The following FAM151B variants were observed in gnomAD, a reference collection of about 807,000 sequenced individuals.
FAM151B encodes family with sequence similarity 151 member B.
In FAM151B, 24 loss-of-function variants were observed where a neutral mutation model predicts 31.2. The observed-to-expected ratio is 0.77, with a 90% CI of 0.56 to 1.08. FAM151B has a LOEUF of 1.08. FAM151B is among the 50% of genes least tolerant of loss of function. The probability of loss-of-function intolerance (pLI) is 0.00; values close to 1 mark genes in which losing one functional copy is unlikely to be tolerated. For missense variants in FAM151B, 293 were observed against 328.6 expected, an observed-to-expected ratio of 0.89 and a Z score of 0.84; for synonymous variants, 105 against 111.4, an observed-to-expected ratio of 0.94 and a Z score of 0.36.
intron 5 of FAM151B, among the ~76,000 whole-genome samples, chr5:80,538,438 T>TTCTCTCTCTC (rs1267501086): frequency 1.8e-4 from 10 of 55,750 alleles, no homozygotes; most frequent in African/African-American, 9.9e-4. Flanking sequence ...CTTTCTTTCT[T>TTCTCTCTCTC]TCTTTCTTTC....
chr5:80,541,569 G>A, intron 5 of FAM151B, 104 bp from the exon 6 acceptor site: 1 of 998,140 alleles, frequency 1.0e-6, no homozygotes, highest in Non-Finnish European at 1.5e-6. Flanking sequence ...TTTCATCTGA[G>A]TGCATTTGAG....
In FAM151B at chr5:80,513,634, T is replaced by G. The variant is rs765180225; in HGVS notation, c.182T>G (p.Leu61Arg). Residue 61 changes from leucine (L) to arginine (R), a missense_variant, in exon 3 of 6, where the codon CTT becomes CGT. Physicochemically the swap from Leu to Arg is moderately radical, Grantham distance 102. Transcript: ENST00000282226. Reference sequence around the variant, plus strand: ...GCTCACATGATAGAGGCTGATGTCCTTCTTCCAAGTGATGGATCAGAACAC... The same window carrying G: ...GCTCACATGATAGAGGCTGATGTCCGTCTTCCAAGTGATGGATCAGAACAC... ...STAHMIEADVLLPSDGSEHSQ... is the reference protein window; with the variant it reads ...STAHMIEADVRLPSDGSEHSQ... The G allele has an allele frequency of 2.5e-6, 4 of 1,613,922 alleles. No homozygotes were observed. The South Asian group carries it at 4.4e-5, about 18-fold the overall frequency.
At chr5:80,534,256 A>T (rs1745391045) in intron 5 of FAM151B, among the ~76,000 whole-genome samples, 1 of 152,194 alleles carries the variant, frequency 6.6e-6, no homozygotes. Flanking sequence ...AACTCATTCT[A>T]CAAGGCCAGC....
At chr5:80,509,180 T>C (rs1174956533) in intron 2 of FAM151B, among the ~76,000 whole-genome samples, 1 of 151,936 alleles carries the variant, frequency 6.6e-6, no homozygotes, top group East Asian at 1.9e-4. Flanking sequence ...GGTCTCGCTA[T>C]GTTGCCCAGG....
At chr5:80,503,260 T>C (rs1433664846) in intron 2 of FAM151B, among the ~76,000 whole-genome samples, 1 of 152,174 alleles carries the variant, frequency 6.6e-6, no homozygotes, top group East Asian at 1.9e-4. Flanking sequence ...TCATAATAAA[T>C]AGGTGAACTT....
chr5:80,525,491 A>G (rs1744916931), intron 5 of FAM151B, among the ~76,000 whole-genome samples: 1 of 152,156 alleles, frequency 6.6e-6, no homozygotes, highest in East Asian at 1.9e-4. Context: ...TGTTTTTATT[A>G]TAGAAATTTC....
intron 1 of FAM151B, chr5:80,500,383 T>A (rs1456784671): frequency 8.2e-7 from 1 of 1,218,664 alleles, no homozygotes; most frequent in Non-Finnish European, 1.2e-6. Flanking sequence ...CAGAAACCCT[T>A]AAGAAAAAGC....
intron 1 of FAM151B, among the ~76,000 whole-genome samples, chr5:80,494,137 C>T (rs1389999711): frequency 6.6e-6 from 1 of 152,178 alleles, no homozygotes; most frequent in Non-Finnish European, 1.5e-5. Flanking sequence ...TTTGAGTGGT[C>T]TGGATAGATC....
chr5:80,499,476 A>C (rs1442289754), intron 1 of FAM151B, among the ~76,000 whole-genome samples: 2 of 152,164 alleles, frequency 1.3e-5, no homozygotes, highest in African/African-American at 4.8e-5. Flanking sequence ...TTAAATATTA[A>C]ATTGTTAATA....
rs1745920842 is a variant in FAM151B at position 80,541,978 on chromosome 5, G to C, written c.*146G>C. The C allele has an allele frequency of 2.5e-6, 2 of 813,010 alleles. No individual in the cohort carries two copies. Among genetic ancestry groups the C allele is most frequent in the Non-Finnish European group, 3.8e-6 (2 of 526,336 alleles). The allele number at this position is 813,010 out of a possible 1,614,324, so 50.4% of individuals were successfully genotyped here. On this transcript the variant is annotated 3_prime_UTR_variant, in exon 6 of 6. Coordinates refer to ENST00000282226, the MANE Select transcript of FAM151B (RefSeq NM_205548.3). ...ACGTTTATTGTATGCTTACTCTGTG[G>C]GCATATGTCCTTATAATAGTGCACT...
At chr5:80,524,709 A>C (rs1744880962) in intron 5 of FAM151B, among the ~76,000 whole-genome samples, 1 of 152,204 alleles carries the variant, frequency 6.6e-6, no homozygotes, top group Admixed American at 6.5e-5. Context: ...TGGTAAAAGC[A>C]ATGTAGGCTG....
Position 80,541,810 on chromosome 5 carries a change from T to A in FAM151B, c.809T>A (p.Ile270Asn), listed in dbSNP as rs773726227. 4.3e-6 allele frequency: 7 copies of A among 1,612,588 alleles called. No individual in the cohort carries two copies. In the East Asian group the frequency reaches 1.6e-4, roughly 36 times the overall value. ...EPQNHEFKQAIGIKVNL is the reference protein window; with the variant it reads ...EPQNHEFKQANGIKVNL ...CAAAACCATGAATTTAAACAAGCCA[T>A]TGGAATCAAAGTTAATCTCTAAGAA... The change falls in exon 6 of 6, where the codon ATT (isoleucine) becomes AAT (asparagine). Residue 270 changes from isoleucine to asparagine, a missense_variant. Transcript: ENST00000282226.
At chr5:80,541,253 T>C (rs572359888) in intron 5 of FAM151B, among the ~76,000 whole-genome samples, 15 of 152,368 alleles carry the variant, frequency 9.8e-5, no homozygotes, top group African/African-American at 3.6e-4. Flanking sequence ...GTATTGTGGA[T>C]GTCAGTGACA....
In FAM151B at chr5:80,538,445, T is replaced by C. The variant is rs1270042221; in HGVS notation, c.672-3228T>C. On this transcript the variant is annotated intron_variant, in intron 5 of 5. Transcript: ENST00000282226. The stretch of plus-strand genomic sequence containing the variant: ...CTTTCTTTCTTTCTTTCTTTCTTTC[T>C]TTCTCTTTCTTTCTTTCTTTCTTTC... 1.9e-3 allele frequency among the ~76,000 whole-genome samples: 94 copies of C among 48,446 alleles called. 1 individual carries two copies. The highest frequency in any genetic ancestry group is 8.9e-3 in the African/African-American group (92 of 10,346). 31.8% of individuals were successfully genotyped at this position (48,446 alleles called of 152,430 possible).
At chr5:80,530,717 C>G (rs1745200508) in intron 5 of FAM151B, among the ~76,000 whole-genome samples, 1 of 152,170 alleles carries the variant, frequency 6.6e-6, no homozygotes, top group Admixed American at 6.5e-5. Context: ...CTACAAACCA[C>G]TGCTCAACGA....
intron 5 of FAM151B, among the ~76,000 whole-genome samples, chr5:80,524,064 T>A (rs1318211819): frequency 6.6e-6 from 1 of 152,190 alleles, no homozygotes; most frequent in Non-Finnish European, 1.5e-5. Flanking sequence ...AGATTATTAT[T>A]GAAATTAAAG....
At chr5:80,515,734 T>C (rs1744411695) in intron 3 of FAM151B, among the ~76,000 whole-genome samples, 1 of 152,218 alleles carries the variant, frequency 6.6e-6, no homozygotes, top group African/African-American at 2.4e-5. Flanking sequence ...TCAGACACTG[T>C]TGTAAAAGCA....
chr5:80,501,136 C>T (rs563608713), intron 1 of FAM151B: 1 of 366,882 alleles, frequency 2.7e-6, no homozygotes, highest in South Asian at 2.9e-5. Flanking sequence ...GTCTCAGCCT[C>T]TGGAGTAACT....
intron 1 of FAM151B, among the ~76,000 whole-genome samples, chr5:80,489,065 A>G (rs1158942283): frequency 6.6e-6 from 1 of 152,192 alleles, no homozygotes; most frequent in African/African-American, 2.4e-5. Context: ...TGCATCTTAT[A>G]CTATCCCATG....
Sources: allele counts gnomAD v4.1 joint callset (sites outside exome capture counted in the v4.1 genomes callset), GRCh38; gene constraint gnomAD v4.1.1; transcripts MANE v1.5; gene names NCBI Gene and HGNC (gene_info 2026-07-23, HGNC 2026-07-21).